The following YEATS4 variants were observed in gnomAD, a reference collection of about 807,000 sequenced individuals.
YEATS4 encodes the protein YEATS domain-containing protein 4.
YEATS4 carries 17 observed loss-of-function variants against 30.1 expected under a neutral mutation model. The observed-to-expected ratio is 0.56, with a 90% CI of 0.39 to 0.85. The LOEUF (loss-of-function observed/expected upper bound fraction) is 0.85, where lower values mean the gene tolerates loss of function less well. Among genes scored for constraint, YEATS4 ranks in the 40% least tolerant of loss-of-function variants. The pLI is 0.00. For missense variants in YEATS4, 142 were observed against 268.3 expected (o/e 0.53, Z 3.29); for synonymous variants, 85 against 87.5 (o/e 0.97, Z 0.16).
At chr12:69,362,013 G>GTTTTTTTTTTTTTTTTTTTTTTTTTT (rs533225716) in intron 1 of YEATS4, among the ~76,000 whole-genome samples, 6 of 69,080 alleles carry the variant, frequency 8.7e-5, no homozygotes, top group African/African-American at 3.0e-4. Context: ...GTGTTTGGTT[G>GTTTTTTTTTTTTTTTTTTTTTTTTTT]TTTTTTTTTT....
intron 6 of YEATS4, among the ~76,000 whole-genome samples, chr12:69,386,958 G>T (rs1253405853): frequency 6.6e-6 from 1 of 151,974 alleles, no homozygotes; most frequent in African/African-American, 2.4e-5. Flanking sequence ...TTATAACAAT[G>T]AACTCTAATA....
At chr12:69,400,699 A>T in the YEATS4 span, among the ~76,000 whole-genome samples, 22 of 139,070 alleles carry the variant, frequency 1.6e-4, no homozygotes, top group African/African-American at 6.0e-4. Context: ...AAAAAGTTTA[A>T]AAAAAAAAAA....
chr12:69,378,992 C>T (rs1328327154), intron 6 of YEATS4, among the ~76,000 whole-genome samples: 1 of 152,182 alleles, frequency 6.6e-6, no homozygotes, highest in Non-Finnish European at 1.5e-5. Flanking sequence ...GAAAGCATTT[C>T]TCCATGTTCG....
intron 6 of YEATS4, among the ~76,000 whole-genome samples, chr12:69,371,941 T>C (rs1875655208): frequency 6.6e-6 from 1 of 152,044 alleles, no homozygotes; most frequent in Admixed American, 6.6e-5. Flanking sequence ...GGAAGGATAT[T>C]ATATGTAGAG....
intron 4 of YEATS4, among the ~76,000 whole-genome samples, chr12:69,366,278 A>AAAAT (rs1875425455): frequency 6.6e-6 from 1 of 152,162 alleles, no homozygotes; most frequent in Non-Finnish European, 1.5e-5. Flanking sequence ...AGCTGTCATC[A>AAAAT]GTACTAGCGC....
chr12:69,396,625 A>G, the YEATS4 span, among the ~76,000 whole-genome samples: 1 of 152,188 alleles, frequency 6.6e-6, no homozygotes, highest in Admixed American at 6.5e-5. Flanking sequence ...TAATGAGAAC[A>G]TGAGTTAATC....
intron 6 of YEATS4, among the ~76,000 whole-genome samples, chr12:69,380,063 G>T (rs1321651558): frequency 1.3e-5 from 2 of 152,086 alleles, no homozygotes; most frequent in Non-Finnish European, 2.9e-5. Flanking sequence ...TTTCTGAAAG[G>T]TCACATATCT....
chr12:69,424,171 T>C, the YEATS4 span, among the ~76,000 whole-genome samples: 2 of 152,242 alleles, frequency 1.3e-5, no homozygotes, highest in Non-Finnish European at 2.9e-5. Flanking sequence ...TGGCCAGCTT[T>C]GAACTTACCA....
the YEATS4 span, among the ~76,000 whole-genome samples, chr12:69,411,699 G>A: frequency 2.0e-5 from 3 of 152,196 alleles, no homozygotes; most frequent in Non-Finnish European, 1.5e-5. Context: ...TGAGAAGGTG[G>A]CATTAGTGCG....
At chr12:69,381,576 G>A (rs1876081384) in intron 6 of YEATS4, among the ~76,000 whole-genome samples, 1 of 152,110 alleles carries the variant, frequency 6.6e-6, no homozygotes, top group Non-Finnish European at 1.5e-5. Flanking sequence ...AAATCACAAG[G>A]GTATTGATTG....
At chr12:69,413,510 G>GCCCCCCCC in the YEATS4 span, among the ~76,000 whole-genome samples, 1 of 130,930 alleles carries the variant, frequency 7.6e-6, no homozygotes, top group Non-Finnish European at 1.6e-5. Flanking sequence ...GGTCTTCAAC[G>GCCCCCCCC]CCCCCCCCAT....
At chr12:69,410,837 A>G in the YEATS4 span, among the ~76,000 whole-genome samples, 4 of 152,230 alleles carry the variant, frequency 2.6e-5, no homozygotes, top group Admixed American at 6.5e-5. Context: ...TAGACAGCAG[A>G]GCATCCAAAC....
chr12:69,364,381 C>T (rs1393221737), intron 2 of YEATS4: 1 of 186,168 alleles, frequency 5.4e-6, no homozygotes, highest in Admixed American at 5.7e-5. Context: ...TTAAAAATTC[C>T]TAAAAGTAAA....
chr12:69,409,874 T>C, the YEATS4 span, among the ~76,000 whole-genome samples: 7 of 152,044 alleles, frequency 4.6e-5, no homozygotes, highest in Non-Finnish European at 8.8e-5. Flanking sequence ...AAATAGAAAT[T>C]TGAACACAGC....
chr12:69,380,552 T>G (rs1876034895), intron 6 of YEATS4, among the ~76,000 whole-genome samples: 1 of 152,142 alleles, frequency 6.6e-6, no homozygotes, highest in African/African-American at 2.4e-5. Context: ...AGGTCAGACT[T>G]GAAGCCAGCA....
In YEATS4 at chr12:69,359,943, TGGC is replaced by T. The variant is rs769841093; in HGVS notation, c.-20_-18del. ...CCCCGCCAGCCCCGGTCTCTTTCCCTGGCGGCGGCGGCTTCTTCCGTGGGACAA... is the reference window on the plus strand; with the variant it reads ...CCCCGCCAGCCCCGGTCTCTTTCCCTGGCGGCGGCTTCTTCCGTGGGACAA... On this transcript the variant is annotated 5_prime_UTR_variant, in exon 1 of 7. Coordinates refer to ENST00000247843, the MANE Select transcript of YEATS4 (RefSeq NM_006530.4). The T allele has an allele frequency of 8.1e-6, 13 of 1,611,756 alleles. No individual in the cohort carries two copies. The South Asian group carries it at 1.3e-4, about 16-fold the overall frequency.
chr12:69,410,031 CA>C, the YEATS4 span, among the ~76,000 whole-genome samples: 3 of 152,166 alleles, frequency 2.0e-5, no homozygotes. Flanking sequence ...TTTCAGCCTC[CA>C]GAACTGTAAG....
At chr12:69,360,070 G>A (rs1875127768) in intron 1 of YEATS4, 47 bp downstream of exon 1, 2 of 1,597,746 alleles carry the variant, frequency 1.3e-6, no homozygotes, top group South Asian at 2.2e-5. Flanking sequence ...TCCCGCCTCG[G>A]TTCCTCCCTG....
chr12:69,375,917 T>G (rs1875856781), intron 6 of YEATS4, among the ~76,000 whole-genome samples: 1 of 152,128 alleles, frequency 6.6e-6, no homozygotes, highest in South Asian at 2.1e-4. Context: ...AGGGGGAGAC[T>G]TCTTTCTTGA....
Sources: allele counts gnomAD v4.1 joint callset (sites outside exome capture counted in the v4.1 genomes callset), GRCh38; gene constraint gnomAD v4.1.1; transcripts MANE v1.5; gene names NCBI Gene and HGNC (gene_info 2026-07-23, HGNC 2026-07-21).